The following PRDM16 variants were observed in gnomAD, a reference collection of about 807,000 sequenced individuals.
PRDM16 encodes PR/SET domain 16, also known as histone-lysine N-methyltransferase PRDM16.
PRDM16 carries 23 observed loss-of-function variants against 110.6 expected under a neutral mutation model. The observed-to-expected ratio is 0.21, with a 90% CI of 0.15 to 0.29. PRDM16 has a LOEUF of 0.29. Among genes scored for constraint, PRDM16 ranks in the 10% least tolerant of loss-of-function variants. PRDM16 has a pLI of 1.00. For missense variants in PRDM16, 1,615 were observed against 1,794.3 expected (o/e 0.90, Z 1.81); for synonymous variants, 799 against 781.8 (o/e 1.02, Z -0.37).
intron 1 of PRDM16, among the ~76,000 whole-genome samples, chr1:3,181,269 CG>C (rs1644169363): frequency 7.1e-6 from 1 of 140,586 alleles, no homozygotes; most frequent in African/African-American, 2.6e-5. Flanking sequence ...GTCTTACACA[CG>C]GCCTTACGCA....
intron 3 of PRDM16, among the ~76,000 whole-genome samples, chr1:3,270,631 T>A (rs60140791): frequency 1.2e-5 from 1 of 84,898 alleles, no homozygotes; most frequent in Non-Finnish European, 2.0e-5. Flanking sequence ...TGAGGACAGT[T>A]GGGTAGGACA....
intron 2 of PRDM16, among the ~76,000 whole-genome samples, chr1:3,234,881 G>A (rs1639504720): frequency 6.6e-6 from 1 of 152,278 alleles, no homozygotes; most frequent in Non-Finnish European, 1.5e-5. Context: ...ATCCAGGAGG[G>A]AGGACGGGCC....
intron 3 of PRDM16, among the ~76,000 whole-genome samples, chr1:3,369,306 G>A (rs1642871039): frequency 6.6e-6 from 1 of 152,212 alleles, no homozygotes; most frequent in African/African-American, 2.4e-5. Flanking sequence ...GGTTTGGGAA[G>A]GAAGCCAGCT....
chr1:3,167,739 T>C (rs1277853574), intron 1 of PRDM16, among the ~76,000 whole-genome samples: 1 of 29,190 alleles, frequency 3.4e-5, no homozygotes. Context: ...TCTGTGACAT[T>C]GCCCCCCTGC....
chr1:3,371,204 T>C (rs1293216751), intron 3 of PRDM16, among the ~76,000 whole-genome samples: 1 of 138,954 alleles, frequency 7.2e-6, no homozygotes, highest in African/African-American at 2.9e-5. Context: ...CATCCATCCA[T>C]CCACCCACCC....
rs568603047 is a variant in PRDM16 at position 3,297,439 on chromosome 1, A to G, written c.438+53302A>G. Among the ~76,000 whole-genome samples the G allele has an allele frequency of 5.3e-5, 8 of 152,182 alleles. No homozygotes were observed. In the South Asian group the frequency reaches 1.7e-3, roughly 32 times the overall value. ...GCTGGGACCTCAGGTGCCAGCCACC[A>G]CACATGGCTAATTTTTGTATCTTTA... On this transcript the variant is annotated intron_variant, in intron 3 of 16. Coordinates refer to ENST00000270722, the MANE Select transcript of PRDM16 (RefSeq NM_022114.4).
chr1:3,147,162 G>C (rs1430205437), intron 1 of PRDM16, among the ~76,000 whole-genome samples: 1 of 149,062 alleles, frequency 6.7e-6, no homozygotes, highest in Non-Finnish European at 1.5e-5. Flanking sequence ...TGTGAGGTGT[G>C]TGCACGCACG....
chr1:3,358,648 C>T lies in PRDM16; in HGVS notation c.439-26504C>T, dbSNP rs1434192103. Among the ~76,000 whole-genome samples the T allele has an allele frequency of 6.6e-6, 1 of 152,164 alleles. No homozygotes were observed. Among genetic ancestry groups the T allele is most frequent in the Non-Finnish European group, 1.5e-5 (1 of 68,026 alleles). On this transcript the variant is annotated intron_variant, in intron 3 of 16. Transcript: ENST00000270722. This position sits in a 1 kb window ranked among gnomAD's most constrained non-coding sequence, Gnocchi z 4.0. ...CTCAGAAACATCTCCGATTGGAACACGACACAGACCATCCTTCCCAGAGCA... is the reference window on the plus strand; with the variant it reads ...CTCAGAAACATCTCCGATTGGAACATGACACAGACCATCCTTCCCAGAGCA...
rs568562589 is a variant in PRDM16 at position 3,101,338 on chromosome 1, C to A, written c.37+32042C>A. ...GTGCATTGTCTAGGGGAGATTAAAGCCCCAGGGCCGTATTGTCTGGCCAGG... is the reference window on the plus strand; with the variant it reads ...GTGCATTGTCTAGGGGAGATTAAAGACCCAGGGCCGTATTGTCTGGCCAGG... On this transcript the variant is annotated intron_variant, in intron 1 of 16. Coordinates refer to ENST00000270722, the MANE Select transcript of PRDM16 (RefSeq NM_022114.4). Among the ~76,000 whole-genome samples, 12 of 152,342 alleles carry A rather than the reference C, an allele frequency of 7.9e-5. 1 individual carries two copies. Among genetic ancestry groups the A allele is most frequent in the African/African-American group, 2.9e-4 (12 of 41,580 alleles).
chr1:3,355,601 C>T (rs192828804), intron 3 of PRDM16, among the ~76,000 whole-genome samples: 190 of 152,256 alleles, frequency 1.2e-3, no homozygotes, highest in African/African-American at 3.0e-3. Flanking sequence ...GGGCAGCATC[C>T]GCTCGACGGT....
chr1:3,290,651 C>T lies in PRDM16; in HGVS notation c.438+46514C>T, dbSNP rs554493659. On this transcript the variant is annotated intron_variant, in intron 3 of 16. Transcript: ENST00000270722. This position sits in a 1 kb window ranked among gnomAD's most constrained non-coding sequence, Gnocchi z 4.8. ...GCAGTGGTGGGCCCAGGCCGGCCAG[C>T]GCTGGCTGAAGGAGCACTGTCCCCA... Among the ~76,000 whole-genome samples the T allele has an allele frequency of 3.9e-5, 6 of 152,228 alleles. No individual in the cohort carries two copies. Among genetic ancestry groups the T allele is most frequent in the South Asian group, 4.1e-4 (2 of 4,822 alleles).
At chr1:3,239,519 C>T (rs935559882) in intron 2 of PRDM16, among the ~76,000 whole-genome samples, 4 of 152,128 alleles carry the variant, frequency 2.6e-5, no homozygotes, top group African/African-American at 9.7e-5. Flanking sequence ...CCTGCATAGA[C>T]AACCCTGACC....
At chr1:3,289,128 CG>C (rs1458600869) in intron 3 of PRDM16, among the ~76,000 whole-genome samples, 4 of 152,214 alleles carry the variant, frequency 2.6e-5, no homozygotes, top group African/African-American at 9.6e-5. Context: ...GCTTGTCGCC[CG>C]GCCCCTGCTA....
chr1:3,389,949 G>GCCCCCCCCCCCCCCCCC (rs70938087), intron 4 of PRDM16, among the ~76,000 whole-genome samples: 14 of 106,946 alleles, frequency 1.3e-4, no homozygotes, highest in Non-Finnish European at 2.2e-4. Flanking sequence ...CTGGGGGTGC[G>GCCCCCCCCCCCCCCCCC]CCCCCCCCCC....
intron 8 of PRDM16, among the ~76,000 whole-genome samples, chr1:3,410,658 G>A (rs1643669831): frequency 6.6e-6 from 1 of 152,146 alleles, no homozygotes; most frequent in African/African-American, 2.4e-5. Flanking sequence ...GGAGGTGGGA[G>A]GACACTAGGA....
intron 1 of PRDM16, among the ~76,000 whole-genome samples, chr1:3,181,460 ACG>A (rs1266473149): frequency 2.4e-5 from 1 of 42,022 alleles, no homozygotes; most frequent in African/African-American, 5.2e-5. Flanking sequence ...GGTCTTACAC[ACG>A]GTCTTACACA....
chr1:3,191,252 C>T (rs538045397), intron 2 of PRDM16, among the ~76,000 whole-genome samples: 7 of 152,338 alleles, frequency 4.6e-5, no homozygotes, highest in African/African-American at 7.2e-5. Flanking sequence ...TCACCCCTGG[C>T]GTTATTTACT....
chr1:3,122,959 G>A (rs557563394), intron 1 of PRDM16, among the ~76,000 whole-genome samples: 272 of 152,324 alleles, frequency 1.8e-3, no homozygotes, highest in South Asian at 9.1e-3. Flanking sequence ...CCTGGGGGAC[G>A]GCTCAGGGGG....
chr1:3,181,244 A>ATGCATG (rs1225918075), intron 1 of PRDM16, among the ~76,000 whole-genome samples: 1 of 48,566 alleles, frequency 2.1e-5, no homozygotes, highest in Non-Finnish European at 4.7e-5. Flanking sequence ...TCTTACACAC[A>ATGCATG]GTCTTACACA....
Sources: gnomAD v4.1 joint callset for allele counts (sites outside exome capture counted in the v4.1 genomes callset) on GRCh38, gnomAD v4.1.1 for gene constraint, Gnocchi (gnomAD v3.1) non-coding constraint, MANE v1.5 for transcripts, NCBI Gene and HGNC (gene_info 2026-07-23, HGNC 2026-07-21) for gene names.